BDNF: variants seen among roughly 807,000 people sequenced by gnomAD.
The protein encoded by BDNF is neurotrophic factor BDNF precursor form.
Under a neutral mutation model 19.5 loss-of-function variants are expected in BDNF, and 1 was observed. The observed-to-expected ratio is 0.05, with a 90% CI of 0.02 to 0.24. The LOEUF (loss-of-function observed/expected upper bound fraction) is 0.24. Among genes scored for constraint, BDNF ranks in the 10% least tolerant of loss-of-function variants. The pLI is 1.00. For synonymous variants in BDNF, 100 were observed against 121.6 expected (o/e 0.82, Z 1.17); for missense variants, 195 against 317.6 (o/e 0.61, Z 2.93).
At chr11:27,699,759 G>A (rs1334357376) in intron 1 of BDNF, 4 of 1,270,974 alleles carry the variant, frequency 3.1e-6, no homozygotes, top group Non-Finnish European at 4.1e-6. Context: ...CCCCTGGAAG[G>A]ATTCCTAGCC....
chr11:27,701,105 TAG>T (rs1252111453), upstream of BDNF: 27 of 1,305,814 alleles, frequency 2.1e-5, no homozygotes, highest in South Asian at 2.8e-4. Flanking sequence ...CTGACCTCTC[TAG>T]AGTTTGCCTA....
intron 1 of BDNF, among the ~76,000 whole-genome samples, chr11:27,691,767 C>A (rs893367282): frequency 3.3e-5 from 5 of 152,218 alleles, no homozygotes; most frequent in African/African-American, 1.2e-4. Context: ...AAAAAAGTAA[C>A]TCTATCCATG....
At position 27,686,133 on chromosome 11, in the gene BDNF, C is replaced by T. The variant is rs538482505; in HGVS notation, c.-22+14031G>A. Among the ~76,000 whole-genome samples, 78 of 152,108 alleles carry T rather than the reference C, an allele frequency of 5.1e-4. No individual in the cohort carries two copies. The Middle Eastern group carries it at 0.01, about 20-fold the overall frequency. ...GTTAGCTCTTCTTGTTGAATTGATCCCTTTATCATTATGTAATGGCCTTCT... is the reference window on the plus strand; with the variant it reads ...GTTAGCTCTTCTTGTTGAATTGATCTCTTTATCATTATGTAATGGCCTTCT... On this transcript the variant is annotated intron_variant, in intron 1 of 1. Transcript: ENST00000356660.
At chr11:27,695,042 A>G (rs1209141512) in intron 1 of BDNF, among the ~76,000 whole-genome samples, 2 of 152,166 alleles carry the variant, frequency 1.3e-5, no homozygotes, top group African/African-American at 4.8e-5. Flanking sequence ...TTGTTTTAAA[A>G]TTTCATCTGT....
chr11:27,675,852 A>G (rs1856027469), intron 1 of BDNF: 1 of 152,192 alleles, frequency 6.6e-6, no homozygotes. Context: ...AAAACAGCCA[A>G]AGGAAGGAGG....
intron 1 of BDNF, among the ~76,000 whole-genome samples, chr11:27,663,757 C>T (rs1853847532): frequency 6.6e-6 from 1 of 152,134 alleles, no homozygotes; most frequent in Admixed American, 6.5e-5. Flanking sequence ...GTGGCTGTGA[C>T]AACGAAGGAG....
At chr11:27,715,542 A>G (rs375008566) in intron 1 of BDNF, among the ~76,000 whole-genome samples, 2 of 152,338 alleles carry the variant, frequency 1.3e-5, no homozygotes, top group East Asian at 3.9e-4. Context: ...TCTTAGGAAG[A>G]CTAGTTAAAA....
chr11:27,660,110 CT>C, intron 1 of BDNF: 1 of 863,540 alleles, frequency 1.2e-6, no homozygotes, highest in African/African-American at 1.8e-5. Flanking sequence ...GGAAAAGGAA[CT>C]GTGTTTCTGC....
In BDNF at chr11:27,658,489, T is replaced by C; in HGVS notation, c.76A>G (p.Ile26Val). 2 of 1,614,164 alleles carry C rather than the reference T, an allele frequency of 1.2e-6. No individual in the cohort carries two copies. Among genetic ancestry groups the C allele is most frequent in the Non-Finnish European group, 1.7e-6 (2 of 1,180,038 alleles). The stretch of plus-strand genomic sequence containing the variant: ...TAGGCCAAGCCACCTTGTCCTCGGA[T>C]GTTTGCTTCTTTCATGGGGGCAGCC... The part of the protein sequence containing the change: ...MKAAPMKEAN[I>V]RGQGGLAYPG... The change falls in exon 2 of 2, where the codon ATC becomes GTC. Residue 26 changes from isoleucine to valine, a missense_variant. Ile to Val is a conservative substitution (Grantham distance 29, BLOSUM62 3). Transcript: ENST00000356660. The surrounding 1 kb of genome is among the most constrained non-coding windows in gnomAD (Gnocchi z 5.7).
chr11:27,672,092 C>T (rs896885753), intron 1 of BDNF, among the ~76,000 whole-genome samples: 2 of 152,038 alleles, frequency 1.3e-5, no homozygotes, highest in Non-Finnish European at 2.9e-5. Flanking sequence ...AATATCTTTG[C>T]TTTTGTGTTT....
intron 1 of BDNF, among the ~76,000 whole-genome samples, chr11:27,671,445 G>A (rs1263915412): frequency 2.0e-5 from 3 of 152,026 alleles, no homozygotes; most frequent in African/African-American, 7.2e-5. Context: ...AAAAACAAAT[G>A]TCACTGTAAC....
intron 1 of BDNF, among the ~76,000 whole-genome samples, chr11:27,692,364 C>T (rs1024369758): frequency 8.5e-5 from 13 of 152,144 alleles, no homozygotes; most frequent in South Asian, 2.1e-4. Flanking sequence ...TTCCCTCCAA[C>T]GGGGTCTCAC....
chr11:27,709,675 A>C (rs1860249401), intron 1 of BDNF, among the ~76,000 whole-genome samples: 1 of 152,202 alleles, frequency 6.6e-6, no homozygotes, highest in African/African-American at 2.4e-5. Context: ...AACCTGGGCA[A>C]GCAACTTCAC....
chr11:27,698,206 TA>T (rs2134067421), intron 1 of BDNF: 1 of 105,744 alleles, frequency 9.5e-6, no homozygotes, highest in African/African-American at 3.4e-5. Flanking sequence ...CCTCTCCTGC[TA>T]ACCCAGAGGT....
Position 27,720,342 on chromosome 11 carries a change from T to C in BDNF, c.3+1070A>G, listed in dbSNP as rs1189604038. 3.0e-6 allele frequency: 3 copies of C among 985,746 alleles called. No individual in the cohort carries two copies. The African/African-American group carries it at 5.2e-5, about 17-fold the overall frequency. The allele number at this position is 985,746 out of a possible 1,614,324, so 61.1% of individuals were successfully genotyped here. A position where few individuals can be genotyped will look rare whatever the true frequency, so the allele number is the denominator to read the frequency against. Reference sequence around the variant, plus strand: ...ATGCAAGGGGTCCCCGCCCTGGTGCTTACCTTCTTTGCGGCTTACACCACC... The same window carrying C: ...ATGCAAGGGGTCCCCGCCCTGGTGCCTACCTTCTTTGCGGCTTACACCACC... On this transcript the variant is annotated intron_variant, in intron 1 of 1. Coordinates refer to the BDNF transcript ENST00000314915.
At chr11:27,679,827 T>C (rs1318418502) in intron 1 of BDNF, among the ~76,000 whole-genome samples, 1 of 152,258 alleles carries the variant, frequency 6.6e-6, no homozygotes, top group Non-Finnish European at 1.5e-5. Context: ...GGTCGCTCAG[T>C]TGAAGCTGAA....
intron 1 of BDNF, among the ~76,000 whole-genome samples, chr11:27,718,260 A>T (rs1860592771): frequency 6.6e-6 from 1 of 152,086 alleles, no homozygotes; most frequent in African/African-American, 2.4e-5. Flanking sequence ...AGACAGAAAG[A>T]AAAAAATAAT....
At position 27,657,000 on chromosome 11, in the gene BDNF, T is replaced by A; in HGVS notation, c.*821A>T. 2.0e-6 allele frequency: 2 copies of A among 985,332 alleles called. No homozygotes were observed. Among genetic ancestry groups the A allele is most frequent in the Non-Finnish European group, 2.4e-6 (2 of 829,904 alleles). 61.0% of individuals were successfully genotyped at this position (985,332 alleles called of 1,614,324 possible). ...TTCTGAGCAAACATAGGTCCTTCCG[T>A]CAAAAGCAGCTTACTCTGACCAACG... On this transcript the variant is annotated 3_prime_UTR_variant, in exon 2 of 2. Coordinates refer to ENST00000356660, the MANE Select transcript of BDNF (RefSeq NM_001709.5).
chr11:27,718,357 C>CCCCT (rs1554950397), intron 1 of BDNF, among the ~76,000 whole-genome samples: 1 of 142,974 alleles, frequency 7.0e-6, no homozygotes, highest in Non-Finnish European at 1.6e-5. Context: ...GCACACCACC[C>CCCCT]CCCCCCGCCC....
Sources: gnomAD v4.1 joint callset for allele counts (sites outside exome capture counted in the v4.1 genomes callset) on GRCh38, gnomAD v4.1.1 for gene constraint, Gnocchi (gnomAD v3.1) non-coding constraint, MANE v1.5 for transcripts, NCBI Gene and HGNC (gene_info 2026-07-23, HGNC 2026-07-21) for gene names.